ANGPT1: variants seen among roughly 807,000 people sequenced by gnomAD.
The protein encoded by ANGPT1 is angiopoietin 1.
In ANGPT1, 17 loss-of-function variants were observed where a neutral mutation model predicts 62.2. That is an observed-to-expected ratio of 0.27 (90% CI 0.19 to 0.41). The LOEUF (loss-of-function observed/expected upper bound fraction) is 0.41, where lower values mean the gene tolerates loss of function less well. ANGPT1 is among the 10% of genes least tolerant of loss of function. The pLI is 1.00. For synonymous variants in ANGPT1, 199 were observed against 198.9 expected (o/e 1.00, Z 0.00); for missense variants, 478 against 594.9 (o/e 0.80, Z 2.04).
chr8:107,300,923 T>C (rs942077136), intron 5 of ANGPT1, among the ~76,000 whole-genome samples: 1 of 151,698 alleles, frequency 6.6e-6, no homozygotes, highest in Admixed American at 6.6e-5. Context: ...TTCTATTTTA[T>C]GTAAGCATGA....
At chr8:107,259,717 A>G (rs1242419367) in intron 8 of ANGPT1, among the ~76,000 whole-genome samples, 1 of 152,108 alleles carries the variant, frequency 6.6e-6, no homozygotes, top group Non-Finnish European at 1.5e-5. Flanking sequence ...AGATTTTTAG[A>G]AATAATTCTT....
intron 1 of ANGPT1, among the ~76,000 whole-genome samples, chr8:107,423,112 T>A (rs989176219): frequency 1.3e-5 from 2 of 152,232 alleles, no homozygotes; most frequent in African/African-American, 4.8e-5. Flanking sequence ...TTCACAACTC[T>A]GCATTCACTA....
chr8:107,336,004 CTCCTT>C (rs1460003212), intron 3 of ANGPT1, 141 bp downstream of exon 3: 12 of 687,528 alleles, frequency 1.7e-5, no homozygotes, highest in Middle Eastern at 4.8e-4. Context: ...ACCTTAAGCT[CTCCTT>C]TATTTTTATA....
In ANGPT1 at chr8:107,497,801, T is replaced by C. The variant is rs921600200; in HGVS notation, c.-243A>G. On this transcript the variant is annotated 5_prime_UTR_variant, in exon 1 of 9. An upstream start codon of the reference 5' UTR is lost. Transcript: ENST00000517746. ...GTTAAAACTTGAGATATTTATTGCA[T>C]AGTAGCTGAGATTTATTGTTTCCTC... 1.2e-5 allele frequency: 7 copies of C among 582,346 alleles called. No individual in the cohort carries two copies. Among genetic ancestry groups the C allele is most frequent in the East Asian group, 8.5e-5 (3 of 35,326 alleles). The allele number at this position is 582,346 out of a possible 1,614,324, so 36.1% of individuals were successfully genotyped here.
intron 1 of ANGPT1, among the ~76,000 whole-genome samples, chr8:107,358,525 T>A (rs1464114265): frequency 6.6e-6 from 1 of 152,116 alleles, no homozygotes. Context: ...TGAACTGGCT[T>A]CTCTGAGAAT....
At chr8:107,371,470 T>C (rs1816409949) in intron 1 of ANGPT1, among the ~76,000 whole-genome samples, 1 of 152,122 alleles carries the variant, frequency 6.6e-6, no homozygotes, top group Non-Finnish European at 1.5e-5. Flanking sequence ...GTTCTGCTAC[T>C]CTTTGTGGTT....
chr8:107,425,160 G>A (rs755565696), intron 1 of ANGPT1, among the ~76,000 whole-genome samples: 1 of 152,242 alleles, frequency 6.6e-6, no homozygotes, highest in Non-Finnish European at 1.5e-5. Flanking sequence ...GGCATGAGCC[G>A]CTGCACCCAG....
At chr8:107,456,459 A>T (rs547105524) in intron 1 of ANGPT1, among the ~76,000 whole-genome samples, 2 of 152,198 alleles carry the variant, frequency 1.3e-5, no homozygotes, top group East Asian at 1.9e-4. Context: ...TAAATCATTC[A>T]TGGATGATTA....
At chr8:107,303,740 C>A (rs1455479684) in intron 4 of ANGPT1, among the ~76,000 whole-genome samples, 1 of 151,604 alleles carries the variant, frequency 6.6e-6, no homozygotes, top group African/African-American at 2.4e-5. Context: ...ACGTTCTTAC[C>A]TACATTTCAC....
chr8:107,377,063 G>A (rs1274875460), intron 1 of ANGPT1, among the ~76,000 whole-genome samples: 1 of 152,038 alleles, frequency 6.6e-6, no homozygotes, highest in Non-Finnish European at 1.5e-5. Flanking sequence ...AGGTAATGAA[G>A]TGTAAGGATG....
At chr8:107,396,517 C>CTTTTTTTT (rs10686360) in intron 1 of ANGPT1, among the ~76,000 whole-genome samples, 38 of 84,854 alleles carry the variant, frequency 4.5e-4, no homozygotes, top group Non-Finnish European at 4.9e-4. Context: ...TCTTTTCTCT[C>CTTTTTTTT]TTTTTTTTTT....
chr8:107,459,260 T>C (rs1430075124), intron 1 of ANGPT1, among the ~76,000 whole-genome samples: 4 of 152,082 alleles, frequency 2.6e-5, no homozygotes, highest in African/African-American at 9.7e-5. Flanking sequence ...AAATGAAAAG[T>C]AGATTATGGC....
At chr8:107,325,343 G>T (rs927300626) in intron 3 of ANGPT1, among the ~76,000 whole-genome samples, 2 of 152,140 alleles carry the variant, frequency 1.3e-5, no homozygotes, top group African/African-American at 4.8e-5. Context: ...TCAGAGGCAA[G>T]ATGCCCATAA....
intron 2 of ANGPT1, among the ~76,000 whole-genome samples, chr8:107,344,367 C>A (rs1489549694): frequency 3.3e-5 from 5 of 152,098 alleles, no homozygotes. Context: ...GATATTGGTA[C>A]AAACTGATAA....
chr8:107,385,526 T>C (rs1816715985), intron 1 of ANGPT1, among the ~76,000 whole-genome samples: 1 of 152,146 alleles, frequency 6.6e-6, no homozygotes, highest in South Asian at 2.1e-4. Context: ...CTAAGATCCT[T>C]TGGGCAGAGA....
chr8:107,329,652 T>C (rs912132878), intron 3 of ANGPT1, among the ~76,000 whole-genome samples: 1 of 148,196 alleles, frequency 6.7e-6, no homozygotes, highest in African/African-American at 2.4e-5. Context: ...TTATTAGTTG[T>C]GTGTGTGTGT....
intron 1 of ANGPT1, among the ~76,000 whole-genome samples, chr8:107,435,443 G>C (rs1811309698): frequency 2.0e-5 from 3 of 152,170 alleles, no homozygotes; most frequent in Admixed American, 2.0e-4. Flanking sequence ...ATTAACAGAG[G>C]ATAGTAAATG....
chr8:107,494,329 A>T (rs1158671773), intron 1 of ANGPT1, among the ~76,000 whole-genome samples: 1 of 152,206 alleles, frequency 6.6e-6, no homozygotes, highest in Non-Finnish European at 1.5e-5. Flanking sequence ...GGGAGAGATC[A>T]TAAGAAAGTG....
intron 1 of ANGPT1, among the ~76,000 whole-genome samples, chr8:107,488,559 A>ATATTGTCTTTAT (rs1812875495): frequency 6.6e-6 from 1 of 152,222 alleles, no homozygotes; most frequent in Admixed American, 6.5e-5. Flanking sequence ...TGATTCAAAA[A>ATATTGTCTTTAT]TATTGTCTTT....
Sources: gnomAD v4.1 joint callset for allele counts (sites outside exome capture counted in the v4.1 genomes callset) on GRCh38, gnomAD v4.1.1 for gene constraint, MANE v1.5 for transcripts, NCBI Gene and HGNC (gene_info 2026-07-23, HGNC 2026-07-21) for gene names.